The following KIF26B variants were observed in gnomAD, a reference collection of about 807,000 sequenced individuals.
The protein encoded by KIF26B is kinesin family member 26B, also known as kinesin-like protein KIF26B.
Under a neutral mutation model 151.2 loss-of-function variants are expected in KIF26B, and 63 were observed. That is an observed-to-expected ratio of 0.42 (90% CI 0.34 to 0.51). The LOEUF (loss-of-function observed/expected upper bound fraction) is 0.51, where lower values mean the gene tolerates loss of function less well. KIF26B is among the 20% of genes least tolerant of loss of function. KIF26B has a pLI of 0.07. For synonymous variants in KIF26B, 1,357 were observed against 1,262.1 expected (o/e 1.08, Z -1.59); for missense variants, 2,813 against 2,913.6 (o/e 0.97, Z 0.79).
intron 4 of KIF26B, among the ~76,000 whole-genome samples, chr1:245,484,767 A>ATATTATTAT (rs771748723): frequency 0.013 from 1,735 of 134,246 alleles, 35 homozygotes; most frequent in African/African-American, 0.038. Flanking sequence ...CTTCTTCTTC[A>ATATTATTAT]TATTATTATT....
chr1:245,206,201 A>G (rs1405192634), intron 2 of KIF26B, among the ~76,000 whole-genome samples: 2 of 152,200 alleles, frequency 1.3e-5, no homozygotes, highest in Non-Finnish European at 2.9e-5. Flanking sequence ...AGCTCCCTGT[A>G]AAGGCTTAAA....
chr1:245,325,722 GA>G (rs1336109674), intron 2 of KIF26B, among the ~76,000 whole-genome samples: 1 of 150,448 alleles, frequency 6.6e-6, no homozygotes, highest in Non-Finnish European at 1.5e-5. Flanking sequence ...AAAAAAAAAG[GA>G]AAAAAAAAGA....
At chr1:245,172,543 C>T (rs995150215) in intron 2 of KIF26B, among the ~76,000 whole-genome samples, 1 of 152,184 alleles carries the variant, frequency 6.6e-6, no homozygotes, top group Non-Finnish European at 1.5e-5. Context: ...GGCATGGTGG[C>T]TCACACCTGT....
At chr1:245,340,343 G>A (rs1310429894) in intron 2 of KIF26B, among the ~76,000 whole-genome samples, 1 of 78,950 alleles carries the variant, frequency 1.3e-5, no homozygotes, top group African/African-American at 3.5e-5. Flanking sequence ...TATTGTTTGA[G>A]GAATAATGAC....
chr1:245,681,667 G>A (rs551690810), intron 10 of KIF26B, among the ~76,000 whole-genome samples: 30 of 152,320 alleles, frequency 2.0e-4, no homozygotes, highest in African/African-American at 7.0e-4. Flanking sequence ...GTGGCTGAAT[G>A]TGTGGATTCA....
intron 2 of KIF26B, among the ~76,000 whole-genome samples, chr1:245,340,198 G>A (rs1451466992): frequency 6.6e-6 from 1 of 152,180 alleles, no homozygotes; most frequent in Admixed American, 6.5e-5. Flanking sequence ...ATCCACAAAT[G>A]CTCAAGTCCC....
intron 2 of KIF26B, among the ~76,000 whole-genome samples, chr1:245,199,393 T>C (rs997095597): frequency 1.3e-5 from 2 of 152,108 alleles, no homozygotes; most frequent in African/African-American, 4.8e-5. Context: ...TAGGGGAGAA[T>C]TCAGGTTGCT....
At chr1:245,542,902 T>A (rs1661657388) in intron 5 of KIF26B, among the ~76,000 whole-genome samples, 1 of 152,196 alleles carries the variant, frequency 6.6e-6, no homozygotes, top group Non-Finnish European at 1.5e-5. Context: ...GACCTTCCCC[T>A]CCTGTACTCT....
At chr1:245,183,176 T>A (rs1668937979) in intron 2 of KIF26B, among the ~76,000 whole-genome samples, 1 of 152,220 alleles carries the variant, frequency 6.6e-6, no homozygotes, top group South Asian at 2.1e-4. Context: ...TGTTATTGAG[T>A]TGTAAGTCTT....
chr1:245,162,402 T>TC (rs1387747332), intron 2 of KIF26B, among the ~76,000 whole-genome samples: 2 of 54,074 alleles, frequency 3.7e-5, no homozygotes, highest in Admixed American at 2.1e-4. Flanking sequence ...TTTTTTTTTT[T>TC]TGAGACGGAG....
intron 5 of KIF26B, among the ~76,000 whole-genome samples, chr1:245,565,285 G>T (rs1771491): frequency 0.037 from 5,023 of 136,576 alleles, 321 homozygotes; most frequent in African/African-American, 0.13. Flanking sequence ...TTTTTTTTGG[G>T]TTTTTTTGTT....
chr1:245,496,157 A>G (rs2103076332), intron 4 of KIF26B, among the ~76,000 whole-genome samples: 1 of 152,354 alleles, frequency 6.6e-6, no homozygotes, highest in Middle Eastern at 3.4e-3. Flanking sequence ...TTAAGTTCAA[A>G]TGTATTAAGA....
At chr1:245,552,220 T>C (rs1268580093) in intron 5 of KIF26B, among the ~76,000 whole-genome samples, 1 of 150,880 alleles carries the variant, frequency 6.6e-6, no homozygotes, top group Non-Finnish European at 1.5e-5. Context: ...CTCCTGTGAC[T>C]GTGGAGGTTG....
rs66498609 is a variant in KIF26B, at chr1:245,267,634, GCACACACACACACACACACACACA to G, written c.466-99173_466-99150del. Among the ~76,000 whole-genome samples, 17 of 136,338 alleles carry G rather than the reference GCACACACACACACACACACACACA, an allele frequency of 1.2e-4. No homozygotes were observed. The East Asian group carries it at 2.7e-3, about 21-fold the overall frequency. 89.4% of individuals were successfully genotyped at this position (136,338 alleles called of 152,430 possible). ...ATACTACTGGCGACAGCTAAGTAAT[GCACACACACACACACACACACACA>G]CACACACACACACACACACACACAC... On this transcript the variant is annotated intron_variant, in intron 2 of 14. Transcript: ENST00000407071.
intron 9 of KIF26B, among the ~76,000 whole-genome samples, chr1:245,641,744 G>A (rs147842311): frequency 5.3e-5 from 8 of 152,172 alleles, no homozygotes; most frequent in African/African-American, 1.4e-4. Flanking sequence ...GAAGTTCACT[G>A]AGCTTCCTTA....
intron 2 of KIF26B, among the ~76,000 whole-genome samples, chr1:245,161,987 A>G (rs1236864016): frequency 2.0e-5 from 3 of 151,908 alleles, no homozygotes; most frequent in East Asian, 3.9e-4. Context: ...GGGGGAAGGA[A>G]CCTCCTTATA....
At chr1:245,561,868 AT>A (rs1340015013) in intron 5 of KIF26B, among the ~76,000 whole-genome samples, 4 of 152,114 alleles carry the variant, frequency 2.6e-5, no homozygotes, top group African/African-American at 9.7e-5. Context: ...AGTCCACCTG[AT>A]TCTCACTACT....
intron 4 of KIF26B, among the ~76,000 whole-genome samples, chr1:245,529,689 T>C (rs747967347): frequency 1.3e-5 from 2 of 152,234 alleles, no homozygotes; most frequent in Non-Finnish European, 2.9e-5. Flanking sequence ...TTACATTGAA[T>C]AGCTTTTATT....
intron 9 of KIF26B, among the ~76,000 whole-genome samples, chr1:245,618,281 C>T (rs977768887): frequency 1.3e-5 from 2 of 151,996 alleles, no homozygotes; most frequent in East Asian, 1.9e-4. Flanking sequence ...CCCTATTGGA[C>T]TATAGGTGCC....
Sources: gnomAD v4.1 joint callset for allele counts (sites outside exome capture counted in the v4.1 genomes callset) on GRCh38, gnomAD v4.1.1 for gene constraint, MANE v1.5 for transcripts, NCBI Gene and HGNC (gene_info 2026-07-23, HGNC 2026-07-21) for gene names.